Variants in SNX13 observed in about 807,000 individuals in gnomAD.
The protein encoded by SNX13 is sorting nexin-13.
In SNX13, 45 loss-of-function variants were observed where a neutral mutation model predicts 133.6. The observed-to-expected ratio is 0.34, with a 90% CI of 0.27 to 0.43. The LOEUF (loss-of-function observed/expected upper bound fraction) is 0.43, where lower values mean the gene tolerates loss of function less well. SNX13 is among the 20% of genes least tolerant of loss of function. The probability of loss-of-function intolerance (pLI) is 1.00; values close to 1 mark genes in which losing one functional copy is unlikely to be tolerated. For synonymous variants in SNX13, 414 were observed against 373.9 expected, an observed-to-expected ratio of 1.11 and a Z score of -1.24; for missense variants, 1,032 against 1,145.1, an observed-to-expected ratio of 0.90 and a Z score of 1.43.
intron 15 of SNX13, chr7:17,832,097 C>A: frequency 2.0e-6 from 2 of 982,906 alleles, no homozygotes; most frequent in Non-Finnish European, 2.4e-6. Context: ...AAACTACAAT[C>A]AATGATTCAA....
Position 17,809,988 on chromosome 7 carries a change from A to G in SNX13, c.2064+4846T>C, listed in dbSNP as rs1020562263. ...CTAAACAGCGTTTAGAGGAAAATTT[A>G]TAGCAGTAAATGCCCCCATGAGAAA... On this transcript the variant is annotated intron_variant, in intron 20 of 25. Transcript: ENST00000428135. Among the ~76,000 whole-genome samples, 4 of 152,214 alleles carry G rather than the reference A, an allele frequency of 2.6e-5. No homozygotes were observed. The East Asian group carries it at 5.8e-4, about 22-fold the overall frequency.
intron 18 of SNX13, among the ~76,000 whole-genome samples, chr7:17,820,546 A>G (rs1440511771): frequency 2.0e-5 from 3 of 152,152 alleles, no homozygotes; most frequent in Non-Finnish European, 4.4e-5. Flanking sequence ...CTTTTAATAT[A>G]GGCTTCAGAA....
intron 16 of SNX13, among the ~76,000 whole-genome samples, chr7:17,827,042 C>G (rs1243733290): frequency 6.6e-6 from 1 of 152,092 alleles, no homozygotes; most frequent in Non-Finnish European, 1.5e-5. Context: ...CACCTACTTT[C>G]CTTCTAGGAG....
chr7:17,866,894 T>C (rs983804423), intron 9 of SNX13, among the ~76,000 whole-genome samples: 2 of 152,238 alleles, frequency 1.3e-5, no homozygotes, highest in South Asian at 4.1e-4. Context: ...TGATAAATGC[T>C]GATCTGATGG....
intron 12 of SNX13, among the ~76,000 whole-genome samples, chr7:17,842,579 G>C (rs1164222306): frequency 1.3e-5 from 2 of 151,896 alleles, no homozygotes; most frequent in African/African-American, 4.8e-5. Context: ...TATTAACAAT[G>C]ATTTGTAACT....
chr7:17,885,852 T>A (rs930025671), intron 5 of SNX13, among the ~76,000 whole-genome samples: 1 of 152,122 alleles, frequency 6.6e-6, no homozygotes, highest in Non-Finnish European at 1.5e-5. Context: ...AAACATTAAC[T>A]ATTTCCCCTT....
At chr7:17,873,870 G>C (rs1285525485) in intron 7 of SNX13, among the ~76,000 whole-genome samples, 1 of 151,640 alleles carries the variant, frequency 6.6e-6, no homozygotes, top group Non-Finnish European at 1.5e-5. Context: ...AAAAAATTTC[G>C]TTACAAGTCT....
intron 11 of SNX13, among the ~76,000 whole-genome samples, chr7:17,848,757 C>T (rs1356118117): frequency 2.6e-5 from 4 of 152,216 alleles, no homozygotes; most frequent in East Asian, 1.9e-4. Context: ...CACTCAAGTT[C>T]CCACTGGCTT....
intron 18 of SNX13, among the ~76,000 whole-genome samples, chr7:17,820,712 C>T (rs1047603058): frequency 7.2e-5 from 11 of 152,062 alleles, no homozygotes; most frequent in African/African-American, 1.9e-4. Context: ...AGTAGTACAA[C>T]GTCATTTCAA....
At chr7:17,902,242 G>GTTTT (rs71010277) in intron 1 of SNX13, among the ~76,000 whole-genome samples, 2 of 120,338 alleles carry the variant, frequency 1.7e-5, no homozygotes, top group Non-Finnish European at 1.7e-5. Context: ...TACTGTCATG[G>GTTTT]TTTTTTTTTT....
At chr7:17,850,510 A>G (rs1791079826) in intron 10 of SNX13, 75 bp from the exon 11 acceptor site, 2 of 852,702 alleles carry the variant, frequency 2.3e-6, no homozygotes, top group Non-Finnish European at 1.7e-6. Context: ...ACTTACTGTA[A>G]TTTAACAAAA....
Position 17,790,777 on chromosome 7 carries a change from A to G in SNX13, c.*3268T>C, listed in dbSNP as rs576016675. The G allele has an allele frequency of 4.6e-5, 7 of 152,232 alleles. No individual in the cohort carries two copies. In the South Asian group the frequency reaches 1.0e-3, roughly 23 times the overall value. 9.4% of individuals were successfully genotyped at this position (152,232 alleles called of 1,614,324 possible). ...CAACAAAAATGTTTGTTAATACTTTATTAGTATTTTCTAATGGACAGAACA... is the reference window on the plus strand; with the variant it reads ...CAACAAAAATGTTTGTTAATACTTTGTTAGTATTTTCTAATGGACAGAACA... On this transcript the variant is annotated 3_prime_UTR_variant, in exon 26 of 26. Coordinates refer to ENST00000428135, the MANE Select transcript of SNX13 (RefSeq NM_015132.5).
intron 16 of SNX13, among the ~76,000 whole-genome samples, chr7:17,829,484 G>A (rs1788244321): frequency 6.6e-6 from 1 of 151,374 alleles, no homozygotes; most frequent in Admixed American, 6.6e-5. Flanking sequence ...TAAGGATGTA[G>A]TTGCTGTAAA....
At chr7:17,831,362 CTG>C (rs751860872) in intron 15 of SNX13, 3 of 836,986 alleles carry the variant, frequency 3.6e-6, no homozygotes, top group African/African-American at 1.9e-5. Context: ...GCCTATGAGA[CTG>C]TTTTAATAAA....
In SNX13 at chr7:17,875,684, C is replaced by T. The variant is rs761419078; in HGVS notation, c.547G>A (p.Asp183Asn). The T allele has an allele frequency of 6.2e-5, 100 of 1,609,730 alleles. No individual in the cohort carries two copies. Among genetic ancestry groups the T allele is most frequent in the Non-Finnish European group, 8.2e-5 (97 of 1,177,586 alleles). The change falls in exon 6 of 26, where the codon GAT (aspartate) becomes AAT (asparagine). Residue 183 changes from aspartate to asparagine, a missense_variant. Asp to Asn is a conservative substitution (Grantham distance 23). Coordinates refer to ENST00000428135, the MANE Select transcript of SNX13 (RefSeq NM_015132.5). ...AAGATATTACCTTTCACTTGATCAT[C>T]TTTCTCTGTTATTTTCTGTTGAGCC... ...RKAQQKITEK[D>N]DQVKGTAEDL...
chr7:17,938,886 G>A (rs1258924888), intron 1 of SNX13, among the ~76,000 whole-genome samples: 1 of 152,134 alleles, frequency 6.6e-6, no homozygotes, highest in Non-Finnish European at 1.5e-5. Flanking sequence ...TGAAACTTCT[G>A]CTACTTATAA....
chr7:17,801,736 A>C, intron 21 of SNX13, 77 bp from the exon 22 acceptor site: 1 of 1,052,198 alleles, frequency 9.5e-7, no homozygotes, highest in Non-Finnish European at 1.4e-6. Context: ...CATAAACCTA[A>C]ATGAGTATCA....
intron 11 of SNX13, among the ~76,000 whole-genome samples, chr7:17,847,816 T>C (rs1019509830): frequency 3.9e-5 from 6 of 152,140 alleles, no homozygotes; most frequent in African/African-American, 1.4e-4. Context: ...ATCCAGAAGG[T>C]AGGAAGTCCA....
At chr7:17,801,799 A>G (rs1200203890) in intron 21 of SNX13, 140 bp from the exon 22 acceptor site, 2 of 539,992 alleles carry the variant, frequency 3.7e-6, no homozygotes, top group African/African-American at 3.9e-5. Context: ...ACAATCTAAA[A>G]TTTGGAACCA....
Sources: gnomAD v4.1 joint callset for allele counts (sites outside exome capture counted in the v4.1 genomes callset) on GRCh38, gnomAD v4.1.1 for gene constraint, MANE v1.5 for transcripts, NCBI Gene and HGNC (gene_info 2026-07-23, HGNC 2026-07-21) for gene names.